KDM2B: variants seen among roughly 807,000 people sequenced by gnomAD.
KDM2B encodes lysine demethylase 2B, also known as lysine-specific demethylase 2B.
Under a neutral mutation model 150.0 loss-of-function variants are expected in KDM2B, and 26 were observed. The observed-to-expected ratio is 0.17, with a 90% CI of 0.13 to 0.24. The LOEUF is 0.24. Among genes scored for constraint, KDM2B ranks in the 10% least tolerant of loss-of-function variants. KDM2B has a pLI of 1.00. For synonymous variants in KDM2B, 734 were observed against 729.5 expected, an observed-to-expected ratio of 1.01 and a Z score of -0.10; for missense variants, 1,265 against 1,816.9, an observed-to-expected ratio of 0.70 and a Z score of 5.52.
intron 11 of KDM2B, among the ~76,000 whole-genome samples, chr12:121,505,808 G>GA (rs1885015452): frequency 1.3e-5 from 2 of 152,126 alleles, no homozygotes; most frequent in African/African-American, 4.8e-5. Context: ...GGCAGTGGGG[G>GA]AACTGGGCAT....
intron 12 of KDM2B, among the ~76,000 whole-genome samples, chr12:121,485,850 C>A (rs563380444): frequency 1.4e-3 from 218 of 151,718 alleles, no homozygotes; most frequent in African/African-American, 5.0e-3. Context: ...GATCTCGGCT[C>A]ATTGCAACCT....
Position 121,549,634 on chromosome 12 carries a change from G to A in KDM2B, c.402C>T (p.Ser134=). ...CATCCATCACGTCCACAAGCCGCCG[G>A]CTCCCTGGAGGCAGAAGCCACACAC... ...TVRDVKLLVG[S]RRLVDVMDVN... is the part of the protein sequence containing the mutation. Residue 134 remains serine (S), a synonymous_variant, in exon 5 of 23, where the codon AGC becomes AGT. Coordinates refer to ENST00000377071, the MANE Select transcript of KDM2B (RefSeq NM_032590.5). This position sits in a 1 kb window ranked among gnomAD's most constrained non-coding sequence, Gnocchi z 4.4. The A allele has an allele frequency of 6.4e-7, 1 of 1,572,718 alleles. No homozygotes were observed.
chr12:121,431,864 G>GT (rs1268774362), intron 22 of KDM2B, among the ~76,000 whole-genome samples: 6 of 145,404 alleles, frequency 4.1e-5, no homozygotes, highest in South Asian at 2.2e-4. Flanking sequence ...GTTTTCATGG[G>GT]TTTTTTTCTT....
intron 6 of KDM2B, chr12:121,534,806 C>G (rs1887957516): frequency 1.9e-6 from 1 of 538,414 alleles, no homozygotes; most frequent in Non-Finnish European, 3.3e-6. Context: ...GGTCGCCTAC[C>G]TACCCCAGAG....
rs1887800709 is a variant in KDM2B at position 121,533,095 on chromosome 12, ATC to A, written c.778-138_778-137del. Reference sequence around the variant, plus strand: ...GGTGGGGGGTGTGGAGAGATGGCAGATCCATCCCTCTGGACTCTCTGCAAGGC... The same window carrying A: ...GGTGGGGGGTGTGGAGAGATGGCAGACATCCCTCTGGACTCTCTGCAAGGC... On this transcript the variant is annotated intron_variant, in intron 7 of 22. Transcript: ENST00000377071. This position sits in a 1 kb window ranked among gnomAD's most constrained non-coding sequence, Gnocchi z 4.1. The A allele has an allele frequency of 1.2e-6, 1 of 821,894 alleles. No homozygotes were observed. The highest frequency in any genetic ancestry group is 1.9e-6 in the Non-Finnish European group (1 of 520,570). The allele number at this position is 821,894 out of a possible 1,614,324, so 50.9% of individuals were successfully genotyped here.
intron 12 of KDM2B, among the ~76,000 whole-genome samples, chr12:121,457,048 C>G (rs1262592818): frequency 6.6e-6 from 1 of 152,140 alleles, no homozygotes; most frequent in Non-Finnish European, 1.5e-5. Flanking sequence ...AGACAGACCT[C>G]GGAGGCCTCC....
At chr12:121,488,162 A>G (rs34410760) in intron 12 of KDM2B, among the ~76,000 whole-genome samples, 4,417 of 152,308 alleles carry the variant, frequency 0.029, 93 homozygotes, top group Admixed American at 0.054. Flanking sequence ...TAACTATTGC[A>G]AAGAAATTAA....
At chr12:121,544,114 C>CAAAAAAAAAAAAAAAAAAAAAAAAAAAAA in intron 6 of KDM2B, among the ~76,000 whole-genome samples, 1 of 42,928 alleles carries the variant, frequency 2.3e-5, no homozygotes, top group Non-Finnish European at 4.8e-5. Context: ...GACCCTGCCT[C>CAAAAAAAAAAAAAAAAAAAAAAAAAAAAA]AAAAAAAAAA....
Position 121,509,793 on chromosome 12 carries a change from G to C in KDM2B, c.1421C>G (p.Ser474Cys). The stretch of plus-strand genomic sequence containing the variant: ...CTTCACACTTTCCTCCGACTCATTA[G>C]ACAAAGTCCTTTTGAGGAATCGCAG... ...PALRFLKRTL[S>C]NESEESVKST... Residue 474 changes from serine (S) to cysteine (C), a missense_variant, in exon 11 of 23, where the codon TCT (serine) becomes TGT (cysteine). Ser to Cys is a moderately radical substitution (Grantham distance 112). Around this residue, in one of 11 missense-constraint regions of KDM2B, gnomAD observed 154 missense variants for 162.5 expected, o/e 0.95. Transcript: ENST00000377071. 6.2e-7 allele frequency: 1 copy of C among 1,614,128 alleles called. No homozygotes were observed. The highest frequency in any genetic ancestry group is 8.5e-7 in the Non-Finnish European group (1 of 1,180,032).
rs1064951 is a variant in KDM2B, at chr12:121,440,856, C to G, written c.3570G>C (p.Gln1190His). 1 of 1,613,704 alleles carries G rather than the reference C, an allele frequency of 6.2e-7. No individual in the cohort carries two copies. Among genetic ancestry groups the G allele is most frequent in the South Asian group, 1.1e-5 (1 of 91,074 alleles). Residue 1190 changes from glutamine (Q) to histidine (H), a missense_variant, in exon 21 of 23, where the codon CAG becomes CAC. Transcript: ENST00000377071. Reference sequence around the variant, plus strand: ...TGGGCGGGGACAGGAGATCCCGCATCTGGGCATCCTTTAGTCCCTCCACCC... The same window carrying G: ...TGGGCGGGGACAGGAGATCCCGCATGTGGGCATCCTTTAGTCCCTCCACCC... ...VQWVEGLKDA[Q>H]MRDLLSPPTD...
chr12:121,545,781 C>T (rs1250837937), intron 6 of KDM2B, among the ~76,000 whole-genome samples: 1 of 152,160 alleles, frequency 6.6e-6, no homozygotes, highest in Non-Finnish European at 1.5e-5. Context: ...AGGATTCCAG[C>T]TGTTCTTACA....
rs199629705 is a variant in KDM2B at position 121,510,067 on chromosome 12, C to T, written c.1175-28G>A. 51 of 1,511,200 alleles carry T rather than the reference C, an allele frequency of 3.4e-5. No individual in the cohort carries two copies. In the African/African-American group the frequency reaches 4.9e-4, roughly 14 times the overall value. 93.6% of individuals were successfully genotyped at this position (1,511,200 alleles called of 1,614,324 possible). The stretch of plus-strand genomic sequence containing the variant: ...GTGGGGGCAGGGTCACAAGAAAGAC[C>T]GAGATGACACCTAACTCCCTGCCAA... On this transcript the variant is annotated intron_variant, in intron 10 of 22. Coordinates refer to ENST00000377071, the MANE Select transcript of KDM2B (RefSeq NM_032590.5).
chr12:121,450,928 C>T (rs920301125), intron 13 of KDM2B, among the ~76,000 whole-genome samples: 2 of 151,896 alleles, frequency 1.3e-5, no homozygotes, highest in African/African-American at 4.8e-5. Context: ...GGGATGGCCG[C>T]GGTGGCCAAC....
rs1430644157 is a variant in KDM2B, at chr12:121,443,813, G to A, written c.2452-20C>T. On this transcript the variant is annotated intron_variant, in intron 16 of 22. Coordinates refer to ENST00000377071, the MANE Select transcript of KDM2B (RefSeq NM_032590.5). ...TGAGGCCTAAAGGGGGGTGGAGTGG[G>A]AAGAGGAGTGACTCGCTGGTTTTCC... 2.7e-6 allele frequency: 4 copies of A among 1,475,198 alleles called. No homozygotes were observed. The highest frequency in any genetic ancestry group is 1.8e-5 in the Admixed American group (1 of 55,170). The allele number at this position is 1,475,198 out of a possible 1,614,324, so 91.4% of individuals were successfully genotyped here.
At position 121,549,073 on chromosome 12, in the gene KDM2B, C is replaced by T. The variant is rs551199929; in HGVS notation, c.577-90G>A. On this transcript the variant is annotated intron_variant, in intron 5 of 22. Coordinates refer to ENST00000377071, the MANE Select transcript of KDM2B (RefSeq NM_032590.5). The surrounding 1 kb of genome is among the most constrained non-coding windows in gnomAD (Gnocchi z 4.4). Reference sequence around the variant, plus strand: ...TCCCCGGAGAGTCCTTGGGCCCCCCCGCTCCCCCAATCTACTGTGGGCTCA... The same window carrying T: ...TCCCCGGAGAGTCCTTGGGCCCCCCTGCTCCCCCAATCTACTGTGGGCTCA... 1.7e-5 allele frequency: 18 copies of T among 1,034,900 alleles called. No homozygotes were observed. The highest frequency in any genetic ancestry group is 1.5e-4 in the East Asian group (6 of 40,378). 64.1% of individuals were successfully genotyped at this position (1,034,900 alleles called of 1,614,324 possible). A position where few individuals can be genotyped will look rare whatever the true frequency, so the allele number is the denominator to read the frequency against.
intron 4 of KDM2B, among the ~76,000 whole-genome samples, chr12:121,563,198 C>T (rs1030503447): frequency 6.6e-6 from 1 of 152,098 alleles, no homozygotes; most frequent in East Asian, 1.9e-4. Flanking sequence ...GCCCATAGTC[C>T]CAGCTACTAG....
At chr12:121,486,877 G>A (rs1555299014) in intron 12 of KDM2B, among the ~76,000 whole-genome samples, 1 of 152,174 alleles carries the variant, frequency 6.6e-6, no homozygotes, top group African/African-American at 2.4e-5. Flanking sequence ...GGAGGCTGAG[G>A]TGGAATGATC....
chr12:121,411,457 A>G, the KDM2B span, among the ~76,000 whole-genome samples: 1 of 152,194 alleles, frequency 6.6e-6, no homozygotes, highest in Non-Finnish European at 1.5e-5. Flanking sequence ...TTTTCAGCCT[A>G]GAATTTTAAT....
Position 121,499,253 on chromosome 12 carries a change from G to A in KDM2B, c.1648-4588C>T, listed in dbSNP as rs1357571761. 2.1e-4 allele frequency among the ~76,000 whole-genome samples: 32 copies of A among 151,394 alleles called. 1 individual carries two copies. Among genetic ancestry groups the A allele is most frequent in the Admixed American group, 2.0e-3 (30 of 15,174 alleles). ...GCCTCCTGGGGAGCTGGGATTACAGGCACACACCACCATGCCCAGCTAATT... is the reference window on the plus strand; with the variant it reads ...GCCTCCTGGGGAGCTGGGATTACAGACACACACCACCATGCCCAGCTAATT... On this transcript the variant is annotated intron_variant, in intron 11 of 22. Transcript: ENST00000377071.
Sources: allele counts gnomAD v4.1 joint callset (sites outside exome capture counted in the v4.1 genomes callset), GRCh38; gene constraint gnomAD v4.1.1; regional missense constraint gnomAD v4.1.1; non-coding constraint Gnocchi (gnomAD v3.1); transcripts MANE v1.5; gene names NCBI Gene and HGNC (gene_info 2026-07-23, HGNC 2026-07-21).